PCDHGA5: variants seen among roughly 807,000 people sequenced by gnomAD.
PCDHGA5 encodes the protein protocadherin gamma subfamily A, 5.
In PCDHGA5, 36 loss-of-function variants were observed where a neutral mutation model predicts 56.7. That is an observed-to-expected ratio of 0.64 (90% CI 0.49 to 0.84). The LOEUF is 0.84. Among genes scored for constraint, PCDHGA5 ranks in the 40% least tolerant of loss-of-function variants. The pLI is 0.00. For missense variants in PCDHGA5, 1,305 were observed against 1,201.5 expected (o/e 1.09, Z -1.27); for synonymous variants, 563 against 520.2 (o/e 1.08, Z -1.12).
chr5:141,418,579 A>G (rs1561774780), intron 1 of PCDHGA5: 1 of 1,614,000 alleles, frequency 6.2e-7, no homozygotes, highest in Admixed American at 1.7e-5. Flanking sequence ...ACAACCCCCC[A>G]GTGTTCAGCC....
At chr5:141,428,022 G>A (rs1439933482) in intron 1 of PCDHGA5, 11 of 1,605,558 alleles carry the variant, frequency 6.9e-6, no homozygotes, top group South Asian at 1.1e-5. Context: ...GCCACGCGCC[G>A]CAGAGTCCGG....
At chr5:141,498,248 G>A (rs1484987588) in intron 2 of PCDHGA5, among the ~76,000 whole-genome samples, 2 of 152,208 alleles carry the variant, frequency 1.3e-5, no homozygotes, top group Non-Finnish European at 2.9e-5. Flanking sequence ...CTTCAAAGCA[G>A]GGCTGGTGTT....
Position 141,364,604 on chromosome 5 carries a change from C to G in PCDHGA5, c.274C>G (p.Arg92Gly), listed in dbSNP as rs370007558. The change falls in exon 1 of 4, where the codon CGG becomes GGG. Residue 92 changes from arginine (R) to glycine (G), a missense_variant. Transcript: ENST00000518069. ...GSLVTAGRID[R>G]EELCAQSPLC... ...CTTGGTCACCGCGGGCAGGATAGAC[C>G]GGGAGGAGCTCTGCGCTCAGAGCCC... 4.1e-5 allele frequency: 66 copies of G among 1,614,044 alleles called. No individual in the cohort carries two copies. Among genetic ancestry groups the G allele is most frequent in the Non-Finnish European group, 5.3e-5 (63 of 1,180,004 alleles).
At chr5:141,440,558 T>C (rs546919141) in intron 1 of PCDHGA5, 1 of 152,350 alleles carries the variant, frequency 6.6e-6, no homozygotes, top group East Asian at 1.9e-4. Context: ...TGTTATTAAG[T>C]TACGTATCTC....
intron 1 of PCDHGA5, chr5:141,384,916 G>T (rs1215010105): frequency 1.2e-6 from 2 of 1,613,886 alleles, no homozygotes; most frequent in Non-Finnish European, 1.7e-6. Flanking sequence ...CGAAGTCTTG[G>T]CCGACCTGGG....
Position 141,399,689 on chromosome 5 carries a change from T to C in PCDHGA5, c.2421+32938T>C, listed in dbSNP as rs199516491. 502 of 1,613,550 alleles carry C rather than the reference T, an allele frequency of 3.1e-4. 1 individual carries two copies. Among genetic ancestry groups the C allele is most frequent in the Non-Finnish European group, 3.8e-4 (448 of 1,179,874 alleles). On this transcript the variant is annotated intron_variant, in intron 1 of 3. Transcript: ENST00000518069. ...CAGCGCGCCTTTGACTACGAGCAGC[T>C]GCGCACCTTCGAACTCACACTACAG...
intron 1 of PCDHGA5, among the ~76,000 whole-genome samples, chr5:141,454,829 A>T (rs2098803417): frequency 1.4e-5 from 1 of 70,192 alleles, no homozygotes. Context: ...TTTTTTTGAG[A>T]CAGAGTCGCG....
In PCDHGA5 at chr5:141,364,678, T is replaced by G. The variant is rs758125696; in HGVS notation, c.348T>G (p.Ile116Met). The change falls in exon 1 of 4, where the codon ATT (isoleucine) becomes ATG (methionine). Residue 116 changes from isoleucine (I) to methionine (M), a missense_variant. Ile to Met is a conservative substitution (Grantham distance 10). Transcript: ENST00000518069. ...FNILVENKMK[I>M]YGVEVEIIDI... is the part of the protein sequence containing the mutation. ...TCTTGGTTGAGAACAAAATGAAAAT[T>G]TATGGAGTAGAAGTAGAAATAATCG... is the stretch of plus-strand genomic sequence containing the variant. The G allele has an allele frequency of 2.5e-6, 4 of 1,613,814 alleles. No individual in the cohort carries two copies. The highest frequency in any genetic ancestry group is 3.4e-6 in the Non-Finnish European group (4 of 1,179,894).
intron 1 of PCDHGA5, among the ~76,000 whole-genome samples, chr5:141,382,424 A>G (rs1778195711): frequency 6.6e-6 from 1 of 152,232 alleles, no homozygotes; most frequent in Non-Finnish European, 1.5e-5. Flanking sequence ...TCAGTGCCCA[A>G]AAGAGTCACT....
chr5:141,456,098 C>A (rs1222639126), intron 1 of PCDHGA5, among the ~76,000 whole-genome samples: 1 of 151,980 alleles, frequency 6.6e-6, no homozygotes. Context: ...GGGATTTCAC[C>A]GTGTTAGCCA....
Position 141,486,587 on chromosome 5 carries a change from G to C in PCDHGA5, c.2422-8220G>C. 6.2e-7 allele frequency: 1 copy of C among 1,613,596 alleles called. No individual in the cohort carries two copies. The highest frequency in any genetic ancestry group is 8.5e-7 in the Non-Finnish European group (1 of 1,180,006). On this transcript the variant is annotated intron_variant, in intron 1 of 3. Transcript: ENST00000518069. The surrounding 1 kb of genome is among the most constrained non-coding windows in gnomAD (Gnocchi z 5.0). ...TGTTCCTGAGAACAATCGCCCAGGG[G>C]ACCTGCTTTGCTCCCTTGCAGCCTC...
intron 1 of PCDHGA5, among the ~76,000 whole-genome samples, chr5:141,452,664 T>C (rs557662640): frequency 6.6e-6 from 1 of 151,058 alleles, no homozygotes; most frequent in South Asian, 2.1e-4. Context: ...TCCACTGCAC[T>C]CCAGCCTAGG....
At chr5:141,427,683 G>C in intron 1 of PCDHGA5, 1 of 836,052 alleles carries the variant, frequency 1.2e-6, no homozygotes. Flanking sequence ...CCTTCCCGGA[G>C]CCTCCATCCC....
Position 141,411,472 on chromosome 5 carries a change from T to G in PCDHGA5, c.2421+44721T>G, listed in dbSNP as rs546914871. ...GGTAGCATTCCCCTGTGGTCCCAGC[T>G]ACTTGGGAGGCTGAGCTGGGTGGAT... On this transcript the variant is annotated intron_variant, in intron 1 of 3. Coordinates refer to ENST00000518069, the MANE Select transcript of PCDHGA5 (RefSeq NM_018918.3). 2.6e-5 allele frequency: 4 copies of G among 151,948 alleles called. 1 individual carries two copies. The South Asian group carries it at 8.3e-4, about 32-fold the overall frequency. The allele number at this position is 151,948 out of a possible 1,614,324, so 9.4% of individuals were successfully genotyped here.
intron 1 of PCDHGA5, among the ~76,000 whole-genome samples, chr5:141,474,082 CA>C (rs1449032579): frequency 1.3e-5 from 2 of 151,946 alleles, no homozygotes; most frequent in Non-Finnish European, 2.9e-5. Flanking sequence ...AAACAAAAAC[CA>C]AAAAACAAAC....
chr5:141,379,963 G>A (rs1181673658), intron 1 of PCDHGA5, among the ~76,000 whole-genome samples: 1 of 124,340 alleles, frequency 8.0e-6, no homozygotes, highest in African/African-American at 3.0e-5. Context: ...GCAGTGGTGT[G>A]ATCTCTGCTC....
chr5:141,395,129 G>C (rs2093179899), intron 1 of PCDHGA5: 1 of 1,614,182 alleles, frequency 6.2e-7, no homozygotes, highest in African/African-American at 1.3e-5. Context: ...TCTTTCCCCA[G>C]CCCAACTACG....
In PCDHGA5 at chr5:141,385,016, C is replaced by G. The variant is rs536780147; in HGVS notation, c.2421+18265C>G. 1.9e-6 allele frequency: 3 copies of G among 1,614,186 alleles called. No individual in the cohort carries two copies. In the South Asian group the frequency reaches 3.3e-5, roughly 18 times the overall value. On this transcript the variant is annotated intron_variant, in intron 1 of 3. Transcript: ENST00000518069. ...GCCACAGTCTCCTGCGTCTTCCTAG[C>G]CTTCGTCCTCGTACTGCTGGCGCTC...
At chr5:141,371,550 C>T in intron 1 of PCDHGA5, 1 of 1,613,828 alleles carries the variant, frequency 6.2e-7, no homozygotes, top group South Asian at 1.1e-5. Context: ...CCTATGCCAA[C>T]TAAAAGGAAA....
Sources: gnomAD v4.1 joint callset for allele counts (sites outside exome capture counted in the v4.1 genomes callset) on GRCh38, gnomAD v4.1.1 for gene constraint, Gnocchi (gnomAD v3.1) non-coding constraint, MANE v1.5 for transcripts, NCBI Gene and HGNC (gene_info 2026-07-23, HGNC 2026-07-21) for gene names.